NRXN1: variants seen among roughly 807,000 people sequenced by gnomAD.
NRXN1 encodes neurexin 1, also known as neurexin-1.
NRXN1 carries 39 observed loss-of-function variants against 150.9 expected under a neutral mutation model. The ratio of observed to expected loss-of-function variants is 0.26; its 90% CI spans 0.20 to 0.34. NRXN1 has a LOEUF of 0.34. NRXN1 is among the 10% of genes least tolerant of loss of function. The probability of loss-of-function intolerance (pLI) is 1.00; values close to 1 mark genes in which losing one functional copy is unlikely to be tolerated. For missense variants in NRXN1, 1,815 were observed against 1,949.9 expected, an observed-to-expected ratio of 0.93 and a Z score of 1.30; for synonymous variants, 924 against 757.0, an observed-to-expected ratio of 1.22 and a Z score of -3.62.
chr2:50,983,316 T>G (rs1297372064), intron 2 of NRXN1, among the ~76,000 whole-genome samples: 1 of 152,032 alleles, frequency 6.6e-6, no homozygotes, highest in Non-Finnish European at 1.5e-5. Context: ...GATAGAAAAA[T>G]CAATTTATTT....
chr2:50,256,831 C>A (rs577681728), intron 17 of NRXN1, among the ~76,000 whole-genome samples: 1 of 152,026 alleles, frequency 6.6e-6, no homozygotes, highest in Non-Finnish European at 1.5e-5. Context: ...CTGCCCATTT[C>A]CCTCTTTCTT....
chr2:50,835,646 A>AATTC (rs1341667312), intron 5 of NRXN1, among the ~76,000 whole-genome samples: 1 of 152,158 alleles, frequency 6.6e-6, no homozygotes, highest in Non-Finnish European at 1.5e-5. Flanking sequence ...ACTTTGAGAT[A>AATTC]ATTATATTAA....
rs1320398362 is a variant in NRXN1 at position 50,623,342 on chromosome 2, T to C, written c.1106A>G (p.Asp369Gly). The change falls in exon 6 of 23, where the codon GAT becomes GGT. Residue 369 changes from aspartate to glycine, a missense_variant. Transcript: ENST00000401669. Reference sequence around the variant, plus strand: ...ACGCAGATTCCTGGTGACTTTCACATCATGCCAGGCATTATCATTAAACTT... The same window carrying C: ...ACGCAGATTCCTGGTGACTTTCACACCATGCCAGGCATTATCATTAAACTT... ...NGKFNDNAWH[D>G]VKVTRNLRQH... 1 of 1,613,056 alleles carries C rather than the reference T, an allele frequency of 6.2e-7. No homozygotes were observed. Among genetic ancestry groups the C allele is most frequent in the Non-Finnish European group, 8.5e-7 (1 of 1,179,248 alleles).
chr2:50,120,151 A>G (rs921395004), intron 18 of NRXN1, among the ~76,000 whole-genome samples: 6 of 152,256 alleles, frequency 3.9e-5, no homozygotes, highest in African/African-American at 1.4e-4. Context: ...TGTTTCTCAT[A>G]TAAGTGCAAT....
At chr2:49,960,402 T>C (rs1013450417) in intron 21 of NRXN1, among the ~76,000 whole-genome samples, 16 of 152,206 alleles carry the variant, frequency 1.1e-4, no homozygotes, top group African/African-American at 3.9e-4. Context: ...CCAGTGTGGC[T>C]GCTCTAAGAG....
At chr2:50,446,603 TC>T (rs2086436411) in intron 17 of NRXN1, among the ~76,000 whole-genome samples, 1 of 141,050 alleles carries the variant, frequency 7.1e-6, no homozygotes, top group African/African-American at 2.6e-5. Flanking sequence ...CCTCCCTCCC[TC>T]CCTCTTTTTC....
At chr2:50,995,058 T>G (rs1000347125) in intron 2 of NRXN1, among the ~76,000 whole-genome samples, 1 of 152,038 alleles carries the variant, frequency 6.6e-6, no homozygotes, top group African/African-American at 2.4e-5. Flanking sequence ...GAAATACATA[T>G]TAATGTATTT....
At chr2:50,969,062 A>T (rs1307337834) in intron 2 of NRXN1, among the ~76,000 whole-genome samples, 3 of 152,064 alleles carry the variant, frequency 2.0e-5, no homozygotes, top group Non-Finnish European at 4.4e-5. Context: ...GTGCCCTTGT[A>T]CTTAGCAAAT....
chr2:50,609,023 G>C (rs1677592361), intron 8 of NRXN1, among the ~76,000 whole-genome samples: 1 of 151,886 alleles, frequency 6.6e-6, no homozygotes, highest in African/African-American at 2.4e-5. Context: ...CATCATTTAG[G>C]ATAGCAAAAT....
intron 5 of NRXN1, among the ~76,000 whole-genome samples, chr2:50,769,057 T>C (rs1702695363): frequency 1.3e-5 from 2 of 152,112 alleles, no homozygotes; most frequent in Admixed American, 1.3e-4. Flanking sequence ...CATTTTTACC[T>C]ATCAACAGTT....
chr2:50,816,613 G>A (rs1298261685), intron 5 of NRXN1, among the ~76,000 whole-genome samples: 1 of 152,034 alleles, frequency 6.6e-6, no homozygotes, highest in Non-Finnish European at 1.5e-5. Flanking sequence ...TGGTTCATGA[G>A]GTGAAGGGCC....
chr2:50,431,692 T>C (rs1020906873), intron 17 of NRXN1, among the ~76,000 whole-genome samples: 1 of 152,332 alleles, frequency 6.6e-6, no homozygotes, highest in East Asian at 1.9e-4. Context: ...CTTTTACCTA[T>C]TGTCCACGGC....
intron 18 of NRXN1, among the ~76,000 whole-genome samples, chr2:50,180,201 A>G (rs912954345): frequency 5.3e-5 from 8 of 151,104 alleles, no homozygotes; most frequent in African/African-American, 2.0e-4. Flanking sequence ...TAAAAAAAAA[A>G]ATTTGTAGAG....
intron 5 of NRXN1, among the ~76,000 whole-genome samples, chr2:50,751,441 T>G (rs559201193): frequency 1.4e-4 from 21 of 152,084 alleles, no homozygotes; most frequent in African/African-American, 5.1e-4. Flanking sequence ...AACTTCCAAG[T>G]GATGGCAGCA....
chr2:50,938,885 T>A (rs1033682756), intron 2 of NRXN1, among the ~76,000 whole-genome samples: 1 of 152,098 alleles, frequency 6.6e-6, no homozygotes, highest in Non-Finnish European at 1.5e-5. Flanking sequence ...GCAGTATATT[T>A]ATAGGAAGTA....
intron 22 of NRXN1, 150 bp from the exon 23 acceptor site, chr2:49,922,401 A>G: frequency 3.7e-6 from 3 of 812,718 alleles, no homozygotes; most frequent in South Asian, 3.2e-5. Flanking sequence ...CCTTTGCCTC[A>G]TGGTTACTAA....
At chr2:50,282,328 T>C (rs1433557204) in intron 17 of NRXN1, among the ~76,000 whole-genome samples, 1 of 152,158 alleles carries the variant, frequency 6.6e-6, no homozygotes, top group Non-Finnish European at 1.5e-5. Flanking sequence ...CAATGTAGAG[T>C]ATTTTTAAGA....
At chr2:50,131,348 A>G (rs1705464794) in intron 18 of NRXN1, among the ~76,000 whole-genome samples, 2 of 152,204 alleles carry the variant, frequency 1.3e-5, no homozygotes, top group Admixed American at 6.5e-5. Flanking sequence ...AGTTTATTCA[A>G]TTATCATGAA....
chr2:49,929,983 G>C (rs927702329), intron 22 of NRXN1, among the ~76,000 whole-genome samples: 11 of 152,198 alleles, frequency 7.2e-5, no homozygotes, highest in Non-Finnish European at 1.6e-4. Context: ...GTTTCTGATT[G>C]CAACTGCAGA....
Sources: allele counts gnomAD v4.1 joint callset (sites outside exome capture counted in the v4.1 genomes callset), GRCh38; gene constraint gnomAD v4.1.1; transcripts MANE v1.5; gene names NCBI Gene and HGNC (gene_info 2026-07-23, HGNC 2026-07-21).